The following CEP63 variants were observed in gnomAD, a reference collection of about 807,000 sequenced individuals.
CEP63 encodes centrosomal protein of 63 kDa.
In CEP63, 84 loss-of-function variants were observed where a neutral mutation model predicts 89.1. That is an observed-to-expected ratio of 0.94 (90% CI 0.79 to 1.13). The LOEUF (loss-of-function observed/expected upper bound fraction) is 1.13. CEP63 is among the 50% of genes most tolerant of loss of function. The pLI is 0.00. For missense variants in CEP63, 838 were observed against 813.3 expected, an observed-to-expected ratio of 1.03 and a Z score of -0.37; for synonymous variants, 267 against 272.5, an observed-to-expected ratio of 0.98 and a Z score of 0.20.
At chr3:134,685,240 C>G in the CEP63 span, among the ~76,000 whole-genome samples, 1 of 152,030 alleles carries the variant, frequency 6.6e-6, no homozygotes, top group African/African-American at 2.4e-5. Flanking sequence ...ATTTAAACTA[C>G]GTTGAGATGA....
the CEP63 span, among the ~76,000 whole-genome samples, chr3:134,710,880 C>T: frequency 1.8e-3 from 268 of 152,098 alleles, no homozygotes; most frequent in Middle Eastern, 3.4e-3. Flanking sequence ...CACCACCATG[C>T]CAGGCTAATT....
chr3:134,714,818 C>G, the CEP63 span, among the ~76,000 whole-genome samples: 1 of 152,216 alleles, frequency 6.6e-6, no homozygotes, highest in Non-Finnish European at 1.5e-5. Flanking sequence ...AGCCACAGTA[C>G]ATTGTCCACT....
In CEP63 at chr3:134,507,218, A is replaced by C; in HGVS notation, c.154A>C (p.Thr52Pro). Residue 52 changes from threonine (T) to proline (P), a missense_variant, in exon 3 of 15, where the codon ACT (threonine) becomes CCT (proline). Transcript: ENST00000675561. ...GGAAGGACGTACACATGCTCTAGAA[A>C]CTTGCTTGAAAATCCGTGAACAGGA... Reference protein sequence around the residue: ...EWEGRTHALETCLKIREQELK... With the variant: ...EWEGRTHALEPCLKIREQELK... 6.2e-7 allele frequency: 1 copy of C among 1,613,830 alleles called. No homozygotes were observed. The highest frequency in any genetic ancestry group is 8.5e-7 in the Non-Finnish European group (1 of 1,179,870).
chr3:134,663,138 C>G, the CEP63 span, among the ~76,000 whole-genome samples: 1 of 152,204 alleles, frequency 6.6e-6, no homozygotes, highest in Non-Finnish European at 1.5e-5. Flanking sequence ...GCCCCAGATA[C>G]AGGCCCCTCT....
In CEP63 at chr3:134,558,124, A is replaced by C. The variant is rs781695386; in HGVS notation, c.1468-18A>C. On this transcript the variant is annotated intron_variant, in intron 12 of 14. Transcript: ENST00000675561. The stretch of plus-strand genomic sequence containing the variant: ...ATTCTTGTACAGATTAAGTGACTCT[A>C]GTATTCTTTTTTATTAGGCAAAAGA... 1.3e-6 allele frequency: 2 copies of C among 1,584,494 alleles called. No individual in the cohort carries two copies. The highest frequency in any genetic ancestry group is 2.2e-5 in the South Asian group (2 of 90,448).
intron 12 of CEP63, among the ~76,000 whole-genome samples, chr3:134,554,151 T>A (rs1955561545): frequency 6.6e-6 from 1 of 152,162 alleles, no homozygotes; most frequent in African/African-American, 2.4e-5. Context: ...GTTACCTATG[T>A]ATACATGTGC....
chr3:134,569,740 C>T (rs1411539657), downstream of CEP63, among the ~76,000 whole-genome samples: 1 of 152,204 alleles, frequency 6.6e-6, no homozygotes, highest in East Asian at 1.9e-4. Flanking sequence ...CCACCAGGCA[C>T]TACCCTAGTG....
chr3:134,751,960 T>C, the CEP63 span, among the ~76,000 whole-genome samples: 1 of 152,142 alleles, frequency 6.6e-6, no homozygotes, highest in Non-Finnish European at 1.5e-5. Flanking sequence ...TCTGGCTGCG[T>C]TCCTAGAAGA....
At chr3:134,630,648 G>C in the CEP63 span, among the ~76,000 whole-genome samples, 1 of 152,226 alleles carries the variant, frequency 6.6e-6, no homozygotes, top group South Asian at 2.1e-4. Flanking sequence ...GAAGTAAACT[G>C]TGGGGTAGAT....
the CEP63 span, chr3:134,643,351 T>C: frequency 6.2e-7 from 1 of 1,613,740 alleles, no homozygotes; most frequent in African/African-American, 1.3e-5. Flanking sequence ...CTGGGGCTGC[T>C]GAGGGTGCTG....
chr3:134,774,379 C>G, the CEP63 span, among the ~76,000 whole-genome samples: 2 of 152,188 alleles, frequency 1.3e-5, no homozygotes, highest in Admixed American at 1.3e-4. Context: ...TACCATGATA[C>G]TAATGTAACA....
At chr3:134,711,751 T>TTTTCC in the CEP63 span, among the ~76,000 whole-genome samples, 1 of 150,410 alleles carries the variant, frequency 6.6e-6, no homozygotes, top group Non-Finnish European at 1.5e-5. Flanking sequence ...CACTATTATT[T>TTTTCC]TTTTCTTTTC....
At chr3:134,684,695 G>C in the CEP63 span, among the ~76,000 whole-genome samples, 1 of 152,214 alleles carries the variant, frequency 6.6e-6, no homozygotes, top group Non-Finnish European at 1.5e-5. Flanking sequence ...TTTGTCCCCA[G>C]GCAGACCTCA....
At chr3:134,744,570 A>G in the CEP63 span, among the ~76,000 whole-genome samples, 18 of 152,340 alleles carry the variant, frequency 1.2e-4, no homozygotes, top group Middle Eastern at 3.4e-3. Context: ...GCTGGAGTGC[A>G]GTGGCATGAT....
chr3:134,508,357 T>G (rs1175588018), intron 3 of CEP63, among the ~76,000 whole-genome samples: 3 of 152,194 alleles, frequency 2.0e-5, no homozygotes, highest in African/African-American at 7.2e-5. Context: ...ATTTTAAAAT[T>G]ACACACCATG....
At chr3:134,706,184 C>T in the CEP63 span, among the ~76,000 whole-genome samples, 1 of 152,096 alleles carries the variant, frequency 6.6e-6, no homozygotes. Context: ...TCCACCCTGT[C>T]ACGAAAAATT....
At chr3:134,759,337 T>G in the CEP63 span, among the ~76,000 whole-genome samples, 4 of 152,216 alleles carry the variant, frequency 2.6e-5, no homozygotes, top group Non-Finnish European at 5.9e-5. Context: ...TGCTAGCTCA[T>G]TGGCATTTCT....
the CEP63 span, among the ~76,000 whole-genome samples, chr3:134,652,991 T>C: frequency 7.2e-5 from 11 of 152,158 alleles, no homozygotes; most frequent in Non-Finnish European, 1.5e-5. Context: ...CTGGAAAGTG[T>C]CATTGCTAGG....
At chr3:134,722,004 G>A in the CEP63 span, among the ~76,000 whole-genome samples, 2 of 152,088 alleles carry the variant, frequency 1.3e-5, no homozygotes, top group Non-Finnish European at 2.9e-5. Flanking sequence ...GTTGGAAAGT[G>A]TTTCCGTCTC....
Sources: gnomAD v4.1 joint callset for allele counts (sites outside exome capture counted in the v4.1 genomes callset) on GRCh38, gnomAD v4.1.1 for gene constraint, MANE v1.5 for transcripts, NCBI Gene and HGNC (gene_info 2026-07-23, HGNC 2026-07-21) for gene names.